The following NRXN3 variants were observed in gnomAD, a reference collection of about 807,000 sequenced individuals.
The protein encoded by NRXN3 is neurexin 3.
In NRXN3, 32 loss-of-function variants were observed where a neutral mutation model predicts 137.6. That is an observed-to-expected ratio of 0.23 (90% CI 0.18 to 0.31). NRXN3 has a LOEUF of 0.31. NRXN3 is among the 10% of genes least tolerant of loss of function. The pLI, the probability that NRXN3 is intolerant of heterozygous loss-of-function variation, is 1.00. For missense variants in NRXN3, 1,574 were observed against 2,062.5 expected (o/e 0.76, Z 4.59); for synonymous variants, 798 against 784.5 (o/e 1.02, Z -0.29).
At chr14:79,721,617 A>C (rs1005856854) in intron 19 of NRXN3, among the ~76,000 whole-genome samples, 1 of 152,178 alleles carries the variant, frequency 6.6e-6, no homozygotes, top group Non-Finnish European at 1.5e-5. Flanking sequence ...AAATACGTAT[A>C]GGTTGGCTAA....
rs1323893794 is a variant in NRXN3, at chr14:79,847,990, T to A, written c.4094-13352T>A. Reference sequence around the variant, plus strand: ...TAAGCTCATTGATGCACAGGCTAAATCTTTATGCTTATTTGGTGCTTTTTA... The same window carrying A: ...TAAGCTCATTGATGCACAGGCTAAAACTTTATGCTTATTTGGTGCTTTTTA... On this transcript the variant is annotated intron_variant, in intron 20 of 20. Coordinates refer to ENST00000335750, the MANE Select transcript of NRXN3 (RefSeq NM_001330195.2). 4.6e-5 allele frequency among the ~76,000 whole-genome samples: 7 copies of A among 152,180 alleles called. No homozygotes were observed. In the East Asian group the frequency reaches 1.4e-3, roughly 29 times the overall value.
intron 1 of NRXN3, among the ~76,000 whole-genome samples, chr14:78,180,283 G>A (rs1011992328): frequency 1.3e-5 from 2 of 152,132 alleles, no homozygotes; most frequent in African/African-American, 2.4e-5. Context: ...TCCTAGCGGA[G>A]TTGAAAATAT....
At chr14:79,462,770 T>G (rs1036873579) in intron 15 of NRXN3, among the ~76,000 whole-genome samples, 1 of 148,096 alleles carries the variant, frequency 6.8e-6, no homozygotes, top group African/African-American at 2.6e-5. Context: ...ATTTTTTAAC[T>G]GAACCTTTTT....
At chr14:79,598,649 C>A (rs970572790) in intron 16 of NRXN3, among the ~76,000 whole-genome samples, 1 of 152,224 alleles carries the variant, frequency 6.6e-6, no homozygotes, top group Non-Finnish European at 1.5e-5. Context: ...AGAATCTCTT[C>A]TACTTCCCTC....
intron 5 of NRXN3, among the ~76,000 whole-genome samples, chr14:78,648,290 T>A (rs2097706506): frequency 6.6e-6 from 1 of 152,220 alleles, no homozygotes; most frequent in Non-Finnish European, 1.5e-5. Context: ...TTGCTTTACC[T>A]CTATGTGTTA....
chr14:78,204,969 G>C (rs1023403709), intron 1 of NRXN3, among the ~76,000 whole-genome samples: 2 of 152,194 alleles, frequency 1.3e-5, no homozygotes, highest in African/African-American at 4.8e-5. Flanking sequence ...TAGGAGACCA[G>C]AGTCAAAGTG....
Position 78,755,563 on chromosome 14 carries a change from A to G in NRXN3, c.2044+40424A>G, listed in dbSNP as rs190866933. Among the ~76,000 whole-genome samples, 313 of 152,334 alleles carry G rather than the reference A, an allele frequency of 2.1e-3. 2 individuals are homozygous for G. Among genetic ancestry groups the G allele is most frequent in the Non-Finnish European group, 2.5e-3 (171 of 68,030 alleles). ...AAACACCTGAGGCTTTGGGAGTTCT[A>G]TTGACTGCTAGGTGTGAGTTATGTT... On this transcript the variant is annotated intron_variant, in intron 8 of 20. Coordinates refer to ENST00000335750, the MANE Select transcript of NRXN3 (RefSeq NM_001330195.2).
chr14:78,937,046 C>T (rs568248509), intron 10 of NRXN3, among the ~76,000 whole-genome samples: 1 of 151,924 alleles, frequency 6.6e-6, no homozygotes, highest in Non-Finnish European at 1.5e-5. Flanking sequence ...CATAGTGAAA[C>T]CCCGTCTTTA....
chr14:78,770,727 G>A (rs2098724348), intron 8 of NRXN3, among the ~76,000 whole-genome samples: 1 of 152,106 alleles, frequency 6.6e-6, no homozygotes, highest in African/African-American at 2.4e-5. Flanking sequence ...TGTTAAAAAA[G>A]TAAAAGTAAA....
In NRXN3 at chr14:78,974,350, C is replaced by A. The variant is rs1265199588; in HGVS notation, c.3142+6004C>A. On this transcript the variant is annotated intron_variant, in intron 14 of 20. Transcript: ENST00000335750. ...TCTCTTCCCTGACTTTACTATCACG[C>A]AGGGTAAGAACTATATGGATTTTGA... 2.0e-5 allele frequency among the ~76,000 whole-genome samples: 3 copies of A among 152,158 alleles called. No individual in the cohort carries two copies. The East Asian group carries it at 5.8e-4, about 29-fold the overall frequency.
At chr14:78,866,004 G>T (rs1167800423) in intron 10 of NRXN3, among the ~76,000 whole-genome samples, 1 of 152,080 alleles carries the variant, frequency 6.6e-6, no homozygotes, top group Non-Finnish European at 1.5e-5. Flanking sequence ...AAGCCAAATG[G>T]TGACTAATTT....
chr14:79,516,416 T>G (rs990105979), intron 16 of NRXN3, among the ~76,000 whole-genome samples: 12 of 152,174 alleles, frequency 7.9e-5, no homozygotes. Flanking sequence ...TGTCACTGGC[T>G]GCTCAACTAG....
chr14:79,146,513 C>A (rs992741652), intron 15 of NRXN3, among the ~76,000 whole-genome samples: 1 of 152,014 alleles, frequency 6.6e-6, no homozygotes, highest in African/African-American at 2.4e-5. Context: ...AAGGAAGGAA[C>A]TTCACTCTCC....
At chr14:78,759,231 T>C (rs1191818816) in intron 8 of NRXN3, among the ~76,000 whole-genome samples, 2 of 151,734 alleles carry the variant, frequency 1.3e-5, no homozygotes, top group Admixed American at 1.3e-4. Context: ...CAATGCCATC[T>C]GGTGGTATTT....
chr14:78,354,775 G>A (rs1470701307), intron 4 of NRXN3, among the ~76,000 whole-genome samples: 1 of 152,212 alleles, frequency 6.6e-6, no homozygotes, highest in Non-Finnish European at 1.5e-5. Flanking sequence ...TCAACAACCA[G>A]TAAGAAGGTT....
chr14:78,746,538 G>A (rs74690456), intron 8 of NRXN3, among the ~76,000 whole-genome samples: 4,658 of 152,300 alleles, frequency 0.031, 172 homozygotes, highest in South Asian at 0.2. Context: ...GTGTCTTGAT[G>A]TGTCAAAATG....
intron 1 of NRXN3, among the ~76,000 whole-genome samples, chr14:78,185,847 A>G (rs12883548): frequency 0.24 from 36,368 of 152,138 alleles, 5,307 homozygotes; most frequent in Non-Finnish European, 0.32. Context: ...ACCAATCACA[A>G]TGGGATGCTC....
chr14:78,350,635 A>G (rs1177608894), intron 4 of NRXN3, among the ~76,000 whole-genome samples: 1 of 152,134 alleles, frequency 6.6e-6, no homozygotes, highest in Non-Finnish European at 1.5e-5. Flanking sequence ...TTAGATTTGC[A>G]TTTTTTCAAC....
intron 15 of NRXN3, among the ~76,000 whole-genome samples, chr14:79,254,611 GTCTTACTGTTGGACTCTTC>G (rs1376485403): frequency 5.3e-5 from 8 of 152,178 alleles, no homozygotes; most frequent in Non-Finnish European, 1.2e-4. Flanking sequence ...GGAGGATGCT[GTCTTACTGTTGGACTCTTC>G]TCTGGGCAAA....
Sources: allele counts gnomAD v4.1 joint callset (sites outside exome capture counted in the v4.1 genomes callset), GRCh38; gene constraint gnomAD v4.1.1; transcripts MANE v1.5; gene names NCBI Gene and HGNC (gene_info 2026-07-23, HGNC 2026-07-21).